CPNE8: variants seen among roughly 807,000 people sequenced by gnomAD.
CPNE8 encodes the protein copine-8.
Under a neutral mutation model 81.5 loss-of-function variants are expected in CPNE8, and 45 were observed. The observed-to-expected ratio is 0.55, with a 90% CI of 0.44 to 0.71. The LOEUF (loss-of-function observed/expected upper bound fraction) is 0.71. Ranked by LOEUF, CPNE8 falls within the 30% of genes least tolerant of loss-of-function variation. The probability of loss-of-function intolerance (pLI) is 0.00; values close to 1 mark genes in which losing one functional copy is unlikely to be tolerated. For synonymous variants in CPNE8, 252 were observed against 226.3 expected, an observed-to-expected ratio of 1.11 and a Z score of -1.02; for missense variants, 594 against 672.1, an observed-to-expected ratio of 0.88 and a Z score of 1.28.
intron 4 of CPNE8, among the ~76,000 whole-genome samples, chr12:38,846,834 A>T (rs1194479043): frequency 6.6e-6 from 1 of 152,156 alleles, no homozygotes; most frequent in Non-Finnish European, 1.5e-5. Flanking sequence ...AACTCACTGC[A>T]GGATTATATG....
At chr12:38,901,070 A>C (rs2137164490) in intron 1 of CPNE8, among the ~76,000 whole-genome samples, 1 of 152,150 alleles carries the variant, frequency 6.6e-6, no homozygotes, top group Admixed American at 6.5e-5. Flanking sequence ...AAAATACAAA[A>C]ATTAGCTGGG....
At chr12:38,671,457 T>C (rs150560986) in intron 18 of CPNE8, among the ~76,000 whole-genome samples, 1 of 152,306 alleles carries the variant, frequency 6.6e-6, no homozygotes, top group Admixed American at 6.5e-5. Flanking sequence ...TATTTGGAAA[T>C]GCTGGGATAT....
chr12:38,874,398 A>G, intron 2 of CPNE8, 73 bp downstream of exon 2: 1 of 1,127,282 alleles, frequency 8.9e-7, no homozygotes, highest in South Asian at 1.3e-5. Context: ...AAACCTTTAA[A>G]CAAGAACTAT....
chr12:38,738,801 CTTTTCT>C (rs1306557605), intron 10 of CPNE8, among the ~76,000 whole-genome samples: 3 of 145,112 alleles, frequency 2.1e-5, no homozygotes, highest in Non-Finnish European at 1.5e-5. Flanking sequence ...TAAAATTTTT[CTTTTCT>C]TTTTTTTTTT....
At chr12:38,819,503 C>T (rs558187160) in intron 6 of CPNE8, among the ~76,000 whole-genome samples, 1 of 152,046 alleles carries the variant, frequency 6.6e-6, no homozygotes, top group Non-Finnish European at 1.5e-5. Context: ...CGCGGTGGCT[C>T]ACGTCTGTAA....
At chr12:38,667,410 C>T (rs948960745) in intron 19 of CPNE8, among the ~76,000 whole-genome samples, 3 of 152,230 alleles carry the variant, frequency 2.0e-5, no homozygotes, top group Non-Finnish European at 4.4e-5. Context: ...ACCTGGAAAA[C>T]TCTGATGGTA....
intron 6 of CPNE8, among the ~76,000 whole-genome samples, chr12:38,798,511 T>A (rs1479618934): frequency 6.6e-6 from 1 of 152,002 alleles, no homozygotes; most frequent in Non-Finnish European, 1.5e-5. Flanking sequence ...AGAGATGTTG[T>A]CACCACCAGG....
rs140728744 is a variant in CPNE8, at chr12:38,869,097, C to T, written c.186+3907G>A. 1.9e-3 allele frequency among the ~76,000 whole-genome samples: 283 copies of T among 152,234 alleles called. 1 individual carries two copies. The highest frequency in any genetic ancestry group is 6.6e-3 in the African/African-American group (274 of 41,534). ...TTCCTTGATGTAAACACTGCACATC[C>T]ATCAATGGATCCTCAGATTGCACTA... On this transcript the variant is annotated intron_variant, in intron 3 of 19. Transcript: ENST00000331366.
chr12:38,758,118 A>G (rs1941498599), intron 10 of CPNE8, among the ~76,000 whole-genome samples: 1 of 150,968 alleles, frequency 6.6e-6, no homozygotes, highest in South Asian at 2.1e-4. Context: ...TATTTTTCCT[A>G]TCTAATGGCA....
intron 15 of CPNE8, among the ~76,000 whole-genome samples, chr12:38,686,809 T>A (rs930945018): frequency 6.6e-6 from 1 of 152,156 alleles, no homozygotes; most frequent in East Asian, 1.9e-4. Flanking sequence ...TCTCATAACA[T>A]GGCAGCTAAC....
chr12:38,727,570 G>A (rs907050797), intron 11 of CPNE8, among the ~76,000 whole-genome samples: 2 of 152,112 alleles, frequency 1.3e-5, no homozygotes, highest in African/African-American at 4.8e-5. Context: ...CATTCATAGG[G>A]CTTGGGCTTG....
chr12:38,793,079 AT>A (rs912435636), intron 6 of CPNE8, among the ~76,000 whole-genome samples: 28 of 149,826 alleles, frequency 1.9e-4, no homozygotes, highest in Admixed American at 6.6e-4. Context: ...TTACTTCAAT[AT>A]AAAAAAGGTG....
chr12:38,739,185 A>C (rs1442451884), intron 10 of CPNE8, among the ~76,000 whole-genome samples: 1 of 152,178 alleles, frequency 6.6e-6, no homozygotes, highest in Non-Finnish European at 1.5e-5. Context: ...ATAATGTCTT[A>C]TATGGTTTTT....
chr12:38,866,264 T>C (rs569947583), intron 3 of CPNE8, among the ~76,000 whole-genome samples: 27 of 152,352 alleles, frequency 1.8e-4, no homozygotes, highest in African/African-American at 5.8e-4. Context: ...TTTATACATA[T>C]TGTGAGACTC....
At chr12:38,656,806 C>T (rs1343901898) in intron 19 of CPNE8, among the ~76,000 whole-genome samples, 1 of 152,122 alleles carries the variant, frequency 6.6e-6, no homozygotes, top group Non-Finnish European at 1.5e-5. Context: ...CTTAAAGGAT[C>T]CTCCGTAAGA....
intron 6 of CPNE8, among the ~76,000 whole-genome samples, chr12:38,796,528 CA>C (rs1942477982): frequency 6.6e-6 from 1 of 151,862 alleles, no homozygotes; most frequent in African/African-American, 2.4e-5. Flanking sequence ...AGTTGAACAA[CA>C]AAAATAGTAT....
At chr12:38,792,485 T>C (rs925347943) in intron 6 of CPNE8, among the ~76,000 whole-genome samples, 1 of 151,308 alleles carries the variant, frequency 6.6e-6, no homozygotes, top group Non-Finnish European at 1.5e-5. Flanking sequence ...TTAGAAGTAA[T>C]TGACACATTC....
At chr12:38,883,378 A>C (rs1421238984) in intron 1 of CPNE8, among the ~76,000 whole-genome samples, 2 of 152,236 alleles carry the variant, frequency 1.3e-5, no homozygotes, top group Non-Finnish European at 2.9e-5. Context: ...GAGACTCTAC[A>C]GAGAAAGATA....
chr12:38,704,350 C>G (rs935583477), intron 13 of CPNE8, among the ~76,000 whole-genome samples: 7 of 151,890 alleles, frequency 4.6e-5, no homozygotes, highest in African/African-American at 1.7e-4. Context: ...CAGCATTTCT[C>G]TTTGTGTGTT....
Sources: gnomAD v4.1 joint callset for allele counts (sites outside exome capture counted in the v4.1 genomes callset) on GRCh38, gnomAD v4.1.1 for gene constraint, MANE v1.5 for transcripts, NCBI Gene and HGNC (gene_info 2026-07-23, HGNC 2026-07-21) for gene names.